Variants in SH3GL1 observed in about 807,000 individuals in gnomAD.
SH3GL1 encodes endophilin-A2.
A neutral mutation model predicts 48.8 loss-of-function variants in SH3GL1; 21 were observed. The ratio of observed to expected loss-of-function variants is 0.43; its 90% CI spans 0.30 to 0.62. SH3GL1 has a LOEUF of 0.62. SH3GL1 is among the 20% of genes least tolerant of loss of function. The pLI is 0.11. For synonymous variants in SH3GL1, 282 were observed against 217.5 expected (o/e 1.30, Z -2.61); for missense variants, 454 against 503.0 (o/e 0.90, Z 0.93).
rs996894537 is a variant in SH3GL1 at position 4,376,519 on chromosome 19, T to C, written c.46-9525A>G. On this transcript the variant is annotated intron_variant, in intron 1 of 9. Coordinates refer to ENST00000269886, the MANE Select transcript of SH3GL1 (RefSeq NM_003025.4). This position sits in a 1 kb window ranked among gnomAD's most constrained non-coding sequence, Gnocchi z 4.3. ...AGAAGCCTCCTCCCACAGGAAGCTC[T>C]CCTGATTGATCCCCATCACTGGTCT... 4.6e-5 allele frequency among the ~76,000 whole-genome samples: 7 copies of C among 152,090 alleles called. No homozygotes were observed. Among genetic ancestry groups the C allele is most frequent in the Admixed American group, 1.3e-4 (2 of 15,280 alleles).
rs578247320 is a variant in SH3GL1, at chr19:4,370,921, T to C, written c.46-3927A>G. On this transcript the variant is annotated intron_variant, in intron 1 of 9. Coordinates refer to ENST00000269886, the MANE Select transcript of SH3GL1 (RefSeq NM_003025.4). ...GTTTGGCAAGACTGGCTTGTGGTCT[T>C]TCAGATCTTTGCCCAGAGATGCCCA... 3.9e-5 allele frequency among the ~76,000 whole-genome samples: 6 copies of C among 152,346 alleles called. No homozygotes were observed. The South Asian group carries it at 1.2e-3, about 32-fold the overall frequency.
rs1972589679 is a variant in SH3GL1, at chr19:4,360,944, T to C, written c.*656A>G. 1.3e-5 allele frequency: 3 copies of C among 233,316 alleles called. No homozygotes were observed. Among genetic ancestry groups the C allele is most frequent in the East Asian group, 1.2e-4 (2 of 16,564 alleles). The allele number at this position is 233,316 out of a possible 1,614,324, so 14.5% of individuals were successfully genotyped here. ...GGAGGCAGGGCCCTGCAGGAGACCA[T>C]GTTCTCTGTCCTCAGGCAGATCCCA... On this transcript the variant is annotated 3_prime_UTR_variant, in exon 10 of 10. Transcript: ENST00000269886.
chr19:4,367,021 G>A lies in SH3GL1; in HGVS notation c.46-27C>T, dbSNP rs1972797139. 1 of 1,608,232 alleles carries A rather than the reference G, an allele frequency of 6.2e-7. No homozygotes were observed. Among genetic ancestry groups the A allele is most frequent in the African/African-American group, 1.3e-5 (1 of 74,938 alleles). On this transcript the variant is annotated intron_variant, in intron 1 of 9. Coordinates refer to ENST00000269886, the MANE Select transcript of SH3GL1 (RefSeq NM_003025.4). The surrounding 1 kb of genome is among the most constrained non-coding windows in gnomAD (Gnocchi z 4.2). ...TAGAGGACAGAAGAGGGGAAACGCT[G>A]TGAGCCCAGGGGTAGGAGGAAGAAG...
At chr19:4,365,371 G>A in intron 4 of SH3GL1, 111 bp downstream of exon 4, 16 of 1,413,550 alleles carry the variant, frequency 1.1e-5, no homozygotes, top group Non-Finnish European at 1.5e-5. Context: ...AGCTGTGGGG[G>A]CCACTGTACG....
chr19:4,398,350 C>T (rs770704290), intron 1 of SH3GL1, among the ~76,000 whole-genome samples: 5 of 151,954 alleles, frequency 3.3e-5, no homozygotes, highest in Admixed American at 1.3e-4. Context: ...CTGCAGTACA[C>T]GGACCAATAG....
intron 1 of SH3GL1, among the ~76,000 whole-genome samples, chr19:4,385,890 C>T (rs1254105059): frequency 1.3e-5 from 2 of 152,200 alleles, no homozygotes; most frequent in Non-Finnish European, 2.9e-5. Flanking sequence ...GCCAGGGGTC[C>T]GACAGCTCCA....
intron 1 of SH3GL1, among the ~76,000 whole-genome samples, chr19:4,394,593 G>A (rs1973393116): frequency 6.6e-6 from 1 of 152,160 alleles, no homozygotes; most frequent in Non-Finnish European, 1.5e-5. Flanking sequence ...GCAGGGAGAT[G>A]AACTAGCCTG....
chr19:4,370,545 C>A (rs1473125231), intron 1 of SH3GL1, among the ~76,000 whole-genome samples: 1 of 152,200 alleles, frequency 6.6e-6, no homozygotes, highest in East Asian at 1.9e-4. Flanking sequence ...AGGGCCCCAC[C>A]TGGACGGGGT....
chr19:4,400,378 C>A lies in SH3GL1; in HGVS notation c.-10G>T, dbSNP rs1199374026. On this transcript the variant is annotated 5_prime_UTR_variant, in exon 1 of 10. Coordinates refer to ENST00000269886, the MANE Select transcript of SH3GL1 (RefSeq NM_003025.4). The surrounding 1 kb of genome is among the most constrained non-coding windows in gnomAD (Gnocchi z 4.1). Reference sequence around the variant, plus strand: ...GCCCCGCCACCGACATGCTGCCGCCCGCCGCCGAGCCTCCCGCCCGGACCG... The same window carrying A: ...GCCCCGCCACCGACATGCTGCCGCCAGCCGCCGAGCCTCCCGCCCGGACCG... 1.3e-6 allele frequency: 2 copies of A among 1,585,814 alleles called. No homozygotes were observed. Among genetic ancestry groups the A allele is most frequent in the African/African-American group, 1.4e-5 (1 of 71,438 alleles).
At chr19:4,385,187 C>CTCTG (rs1215049645) in intron 1 of SH3GL1, among the ~76,000 whole-genome samples, 1 of 152,160 alleles carries the variant, frequency 6.6e-6, no homozygotes, top group African/African-American at 2.4e-5. Context: ...GCCACACAAC[C>CTCTG]CTGCGTGTTT....
chr19:4,392,988 T>C (rs563840279), intron 1 of SH3GL1, among the ~76,000 whole-genome samples: 1 of 152,234 alleles, frequency 6.6e-6, no homozygotes, highest in Non-Finnish European at 1.5e-5. Flanking sequence ...CCGGGCGTGG[T>C]AGCTCACACC....
chr19:4,364,920 T>A lies in SH3GL1; in HGVS notation c.331+562A>T, dbSNP rs866539385. Among the ~76,000 whole-genome samples, 502 of 109,732 alleles carry A rather than the reference T, an allele frequency of 4.6e-3. 6 individuals carry two copies. Among genetic ancestry groups the A allele is most frequent in the African/African-American group, 0.019 (462 of 24,044 alleles). 72.0% of individuals were successfully genotyped at this position (109,732 alleles called of 152,430 possible). On this transcript the variant is annotated intron_variant, in intron 4 of 9. Transcript: ENST00000269886. ...TGTGTATATATATATATATATATTT[T>A]TTTTTTTTTAGTAGAAGCGGGGTGG...
intron 7 of SH3GL1, 111 bp from the exon 8 acceptor site, chr19:4,362,847 C>T (rs987854668): frequency 1.2e-5 from 18 of 1,550,714 alleles, no homozygotes; most frequent in Middle Eastern, 1.8e-4. Context: ...AGGAAGAGGC[C>T]GTCAGTGGGG....
chr19:4,400,483 T>C lies in SH3GL1; in HGVS notation c.-115A>G, dbSNP rs1487920611. 1.3e-5 allele frequency: 12 copies of C among 945,452 alleles called. No homozygotes were observed. In the East Asian group the frequency reaches 3.0e-4, roughly 24 times the overall value. 58.6% of individuals were successfully genotyped at this position (945,452 alleles called of 1,614,324 possible). ...CGTCGGCGCCGCCTCCGCCACCCGCTTGCCAGCTCCGCGCCCGCCCCGGCG... is the reference window on the plus strand; with the variant it reads ...CGTCGGCGCCGCCTCCGCCACCCGCCTGCCAGCTCCGCGCCCGCCCCGGCG... On this transcript the variant is annotated 5_prime_UTR_variant, in exon 1 of 10. Transcript: ENST00000269886. This position sits in a 1 kb window ranked among gnomAD's most constrained non-coding sequence, Gnocchi z 4.1.
Position 4,389,450 on chromosome 19 carries a change from G to C in SH3GL1, c.45+10874C>G, listed in dbSNP as rs1232832294. Among the ~76,000 whole-genome samples the C allele has an allele frequency of 1.3e-5, 2 of 151,692 alleles. No homozygotes were observed. Among genetic ancestry groups the C allele is most frequent in the African/African-American group, 2.4e-5 (1 of 41,372 alleles). On this transcript the variant is annotated intron_variant, in intron 1 of 9. Transcript: ENST00000269886. The surrounding 1 kb of genome is among the most constrained non-coding windows in gnomAD (Gnocchi z 4.5). ...TAGGAGAGGCCGGTGACATGGACAG[G>C]AGGCAGGAGAGTACAGGGCCCCACA...
chr19:4,371,838 G>A (rs1861367088), intron 1 of SH3GL1, among the ~76,000 whole-genome samples: 1 of 152,216 alleles, frequency 6.6e-6, no homozygotes, highest in South Asian at 2.1e-4. Context: ...CCATCTCCGC[G>A]TCCCTCCCTG....
intron 1 of SH3GL1, among the ~76,000 whole-genome samples, chr19:4,373,044 G>A (rs1972933937): frequency 1.3e-5 from 2 of 152,188 alleles, no homozygotes; most frequent in Admixed American, 1.3e-4. Context: ...GAGCCTGCAG[G>A]GCATCCGCAG....
intron 8 of SH3GL1, 63 bp from the exon 9 acceptor site, chr19:4,362,448 G>A: frequency 6.3e-7 from 1 of 1,579,314 alleles, no homozygotes; most frequent in South Asian, 1.1e-5. Flanking sequence ...CCCTTCTGCA[G>A]AAGGCTGGGG....
chr19:4,398,956 T>C (rs902707396), intron 1 of SH3GL1, among the ~76,000 whole-genome samples: 5 of 152,168 alleles, frequency 3.3e-5, no homozygotes, highest in Non-Finnish European at 7.3e-5. Flanking sequence ...AATAGAGATA[T>C]CTATCAACTG....
Sources: allele counts gnomAD v4.1 joint callset (sites outside exome capture counted in the v4.1 genomes callset), GRCh38; gene constraint gnomAD v4.1.1; non-coding constraint Gnocchi (gnomAD v3.1); transcripts MANE v1.5; gene names NCBI Gene and HGNC (gene_info 2026-07-23, HGNC 2026-07-21).